Variants in PDE10A observed in about 807,000 individuals in gnomAD.
PDE10A encodes cAMP and cAMP-inhibited cGMP 3',5'-cyclic phosphodiesterase 10A.
Under a neutral mutation model 97.7 loss-of-function variants are expected in PDE10A, and 39 were observed. The ratio of observed to expected loss-of-function variants is 0.40; its 90% CI spans 0.31 to 0.52. The LOEUF (loss-of-function observed/expected upper bound fraction) is 0.52. PDE10A is among the 20% of genes least tolerant of loss of function. PDE10A has a pLI of 0.56. For missense variants in PDE10A, 731 were observed against 1,047.8 expected, an observed-to-expected ratio of 0.70 and a Z score of 4.17; for synonymous variants, 371 against 376.8, an observed-to-expected ratio of 0.98 and a Z score of 0.18.
chr6:165,716,211 C>T (rs2128447354), intron 1 of PDE10A, among the ~76,000 whole-genome samples: 1 of 152,218 alleles, frequency 6.6e-6, no homozygotes, highest in Non-Finnish European at 1.5e-5. Flanking sequence ...TTCCGAGTCT[C>T]CACAAAATTC....
chr6:165,747,523 G>T (rs1792869903), intron 1 of PDE10A, among the ~76,000 whole-genome samples: 2 of 152,076 alleles, frequency 1.3e-5, no homozygotes, highest in Admixed American at 1.3e-4. Flanking sequence ...GTTAGTGGAG[G>T]AGCTGATATT....
At chr6:165,920,241 CAATGCCATGTAGT>C (rs779240902) in intron 1 of PDE10A, among the ~76,000 whole-genome samples, 10 of 152,204 alleles carry the variant, frequency 6.6e-5, no homozygotes, top group Non-Finnish European at 8.8e-5. Context: ...ATCAAAACTA[CAATGCCATGTAGT>C]AATGCCATGT....
chr6:165,587,577 T>C (rs781746432), intron 1 of PDE10A, among the ~76,000 whole-genome samples: 1 of 152,176 alleles, frequency 6.6e-6, no homozygotes, highest in Non-Finnish European at 1.5e-5. Flanking sequence ...GCATGTTTCA[T>C]TAAGTTAGAT....
chr6:165,354,892 T>C (rs1782928206), intron 18 of PDE10A, among the ~76,000 whole-genome samples: 1 of 152,194 alleles, frequency 6.6e-6, no homozygotes, highest in African/African-American at 2.4e-5. Flanking sequence ...AAAGAATGGC[T>C]TGTGTTAGGC....
At chr6:165,581,081 T>C (rs986452790) in intron 1 of PDE10A, among the ~76,000 whole-genome samples, 1 of 152,210 alleles carries the variant, frequency 6.6e-6, no homozygotes. Flanking sequence ...TCCATTATGG[T>C]GACACCATGG....
chr6:165,471,424 T>A (rs1162456191), intron 3 of PDE10A, among the ~76,000 whole-genome samples: 1 of 152,130 alleles, frequency 6.6e-6, no homozygotes, highest in East Asian at 1.9e-4. Flanking sequence ...CAAATTTATA[T>A]CTCTAACCCA....
intron 1 of PDE10A, among the ~76,000 whole-genome samples, chr6:165,687,153 C>T (rs893804397): frequency 3.3e-5 from 5 of 152,224 alleles, no homozygotes; most frequent in Non-Finnish European, 7.3e-5. Flanking sequence ...GCCGCCTACA[C>T]CCCCACTGCG....
At position 165,978,174 on chromosome 6, in the gene PDE10A, C is replaced by A. The variant is rs184148261; in HGVS notation, c.-615+9355G>T. ...TTTATTTATGTTAAAATCCACTGAGCTTTTCCCGTAAAATTCACCTAAGCT... is the reference window on the plus strand; with the variant it reads ...TTTATTTATGTTAAAATCCACTGAGATTTTCCCGTAAAATTCACCTAAGCT... On this transcript the variant is annotated intron_variant, in intron 1 of 19. Coordinates refer to the PDE10A transcript ENST00000366882. 3.2e-4 allele frequency among the ~76,000 whole-genome samples: 49 copies of A among 152,296 alleles called. 2 individuals are homozygous for A. In the East Asian group the frequency reaches 6.0e-3, roughly 19 times the overall value.
At chr6:165,399,213 A>G (rs1786429103) in intron 13 of PDE10A, among the ~76,000 whole-genome samples, 1 of 152,230 alleles carries the variant, frequency 6.6e-6, no homozygotes, top group African/African-American at 2.4e-5. Context: ...ATAGACAAAT[A>G]GAAAAATCCA....
chr6:165,727,456 G>A (rs544013817), intron 1 of PDE10A, among the ~76,000 whole-genome samples: 25 of 152,210 alleles, frequency 1.6e-4, no homozygotes, highest in Non-Finnish European at 3.4e-4. Context: ...AAGGCTAGAT[G>A]CCTGTTCCTC....
At chr6:165,917,546 C>A (rs954857920) in intron 1 of PDE10A, among the ~76,000 whole-genome samples, 2 of 152,110 alleles carry the variant, frequency 1.3e-5, no homozygotes, top group Non-Finnish European at 1.5e-5. Flanking sequence ...AGAAGCAGGG[C>A]AAATTTAGGG....
intron 1 of PDE10A, among the ~76,000 whole-genome samples, chr6:165,930,472 A>G (rs1186677191): frequency 2.6e-5 from 4 of 152,200 alleles, no homozygotes; most frequent in Non-Finnish European, 5.9e-5. Context: ...ACAGAGAAAT[A>G]AGGAGAGAAA....
At chr6:165,794,173 C>T (rs1374792589) in intron 1 of PDE10A, among the ~76,000 whole-genome samples, 4 of 151,152 alleles carry the variant, frequency 2.6e-5, no homozygotes, top group Admixed American at 6.6e-5. Context: ...CACTCATACA[C>T]TCCCTCCCAC....
At chr6:165,663,270 C>A (rs1399738545), upstream of PDE10A, among the ~76,000 whole-genome samples, 2 of 151,626 alleles carry the variant, frequency 1.3e-5, no homozygotes, top group Non-Finnish European at 2.9e-5. Context: ...CACGCCGCCG[C>A]CGCCGCCGCC....
At chr6:165,833,544 C>T (rs1005076083) in intron 1 of PDE10A, among the ~76,000 whole-genome samples, 3 of 152,364 alleles carry the variant, frequency 2.0e-5, no homozygotes, top group African/African-American at 4.8e-5. Context: ...TGCCCCAGGG[C>T]GTAGCAGGCA....
intron 1 of PDE10A, among the ~76,000 whole-genome samples, chr6:165,826,079 T>C (rs766915036): frequency 3.3e-5 from 5 of 152,200 alleles, no homozygotes; most frequent in Admixed American, 1.3e-4. Flanking sequence ...CAGAACAGCT[T>C]TCTGTGTCCC....
At chr6:165,768,551 T>C (rs895914142) in intron 1 of PDE10A, among the ~76,000 whole-genome samples, 11 of 152,182 alleles carry the variant, frequency 7.2e-5, no homozygotes, top group Non-Finnish European at 1.3e-4. Flanking sequence ...TTATCCAATA[T>C]TTTTAATAAC....
intron 5 of PDE10A, among the ~76,000 whole-genome samples, chr6:165,448,099 G>A (rs1791003527): frequency 6.6e-6 from 1 of 152,126 alleles, no homozygotes; most frequent in Admixed American, 6.5e-5. Context: ...CAAGAATACA[G>A]GTAGCATATT....
chr6:165,737,882 T>C (rs1792618138), intron 1 of PDE10A, among the ~76,000 whole-genome samples: 1 of 152,230 alleles, frequency 6.6e-6, no homozygotes, highest in South Asian at 2.1e-4. Flanking sequence ...TACAGATGAC[T>C]TGATTTTTTA....
Sources: gnomAD v4.1 joint callset for allele counts (sites outside exome capture counted in the v4.1 genomes callset) on GRCh38, gnomAD v4.1.1 for gene constraint, MANE v1.5 for transcripts, NCBI Gene and HGNC (gene_info 2026-07-23, HGNC 2026-07-21) for gene names.